KIAA2013: variants seen among roughly 807,000 people sequenced by gnomAD.
The protein encoded by KIAA2013 is uncharacterized protein KIAA2013.
KIAA2013 carries 20 observed loss-of-function variants against 39.9 expected under a neutral mutation model. The ratio of observed to expected loss-of-function variants is 0.50; its 90% CI spans 0.35 to 0.73. The LOEUF (loss-of-function observed/expected upper bound fraction) is 0.73, where lower values mean the gene tolerates loss of function less well. Among genes scored for constraint, KIAA2013 ranks in the 30% least tolerant of loss-of-function variants. KIAA2013 has a pLI of 0.01. For synonymous variants in KIAA2013, 336 were observed against 416.6 expected (o/e 0.81, Z 2.35); for missense variants, 587 against 856.1 (o/e 0.69, Z 3.92).
rs568916033 is a variant in KIAA2013, at chr1:11,920,220, G to A, written c.*95C>T. The A allele has an allele frequency of 6.0e-6, 8 of 1,329,586 alleles. No individual in the cohort carries two copies. In the East Asian group the frequency reaches 6.9e-5, roughly 11 times the overall value. 82.4% of individuals were successfully genotyped at this position (1,329,586 alleles called of 1,614,324 possible). On this transcript the variant is annotated 3_prime_UTR_variant, in exon 3 of 3. Coordinates refer to ENST00000376572, the MANE Select transcript of KIAA2013 (RefSeq NM_138346.3). ...TTTCCCCCAACAAGGCACAAAGGGC[G>A]GGTGCTTCCAAAGGATCCCTTGCTC...
Position 11,922,656 on chromosome 1 carries a change from T to G in KIAA2013, c.1867A>C (p.Lys623Gln). 1 of 1,613,552 alleles carries G rather than the reference T, an allele frequency of 6.2e-7. No homozygotes were observed. The highest frequency in any genetic ancestry group is 8.5e-7 in the Non-Finnish European group (1 of 1,179,826). Residue 623 changes from lysine to glutamine, a missense_variant, in exon 2 of 3, where the codon AAG becomes CAG. Coordinates refer to ENST00000376572, the MANE Select transcript of KIAA2013 (RefSeq NM_138346.3). ...CCTACCTTACTCCTGAAGAGGGGCT[T>G]GGCTCCAGGCCCACAGTACTCGTTG... ...IYNEYCGPGA[K>Q]PLFRSKEDPS...
chr1:11,924,549 T>C (rs1001741421), intron 1 of KIAA2013, among the ~76,000 whole-genome samples: 3 of 152,148 alleles, frequency 2.0e-5, no homozygotes, highest in Non-Finnish European at 4.4e-5. Context: ...GGCAGAAGCA[T>C]TCAATAGATA....
chr1:11,922,759 G>A lies in KIAA2013; in HGVS notation c.1764C>T (p.Pro588=), dbSNP rs138407291. 165 of 1,614,020 alleles carry A rather than the reference G, an allele frequency of 1.0e-4. 1 individual carries two copies. The South Asian group carries it at 1.4e-3, about 14-fold the overall frequency. The change falls in exon 2 of 3, where the codon CCC becomes CCT. Residue 588 remains proline, a synonymous_variant. Coordinates refer to ENST00000376572, the MANE Select transcript of KIAA2013 (RefSeq NM_138346.3). The part of the protein sequence containing the change: ...AHDEHMAQQD[P]GLPFLFWFSV... The stretch of plus-strand genomic sequence containing the variant: ...TGAACCAGAAGAGGAAGGGCAGCCC[G>A]GGGTCCTGCTGGGCCATGTGCTCAT...
chr1:11,921,851 CATTATT>C (rs1012154806), intron 2 of KIAA2013, among the ~76,000 whole-genome samples: 2 of 151,870 alleles, frequency 1.3e-5, no homozygotes, highest in Non-Finnish European at 2.9e-5. Context: ...CACCCAGCCT[CATTATT>C]ATTATTTTTA....
Position 11,923,909 on chromosome 1 carries a change from G to C in KIAA2013, c.1034-420C>G, listed in dbSNP as rs35426697. 0.054 allele frequency among the ~76,000 whole-genome samples: 8,256 copies of C among 152,248 alleles called. 252 individuals are homozygous for C. The highest frequency in any genetic ancestry group is 0.074 in the African/African-American group (3,083 of 41,544). ...TTGTTTATTGAGACAGAGTCTCACT[G>C]TGTTGCCCAGGCTTGAGTGCAGTGG... On this transcript the variant is annotated intron_variant, in intron 1 of 2. Transcript: ENST00000376572. The surrounding 1 kb of genome is among the most constrained non-coding windows in gnomAD (Gnocchi z 4.6).
At position 11,922,619 on chromosome 1, in the gene KIAA2013, A is replaced by C. The variant is rs186176129; in HGVS notation, c.1887+17T>G. Reference sequence around the variant, plus strand: ...AAGGCCAAGGCCTCGGGTTTCGACCAGATGGCGGCTTCCTACCTTACTCCT... The same window carrying C: ...AAGGCCAAGGCCTCGGGTTTCGACCCGATGGCGGCTTCCTACCTTACTCCT... On this transcript the variant is annotated intron_variant, in intron 2 of 2. Coordinates refer to ENST00000376572, the MANE Select transcript of KIAA2013 (RefSeq NM_138346.3). 4.0e-3 allele frequency: 6,502 copies of C among 1,612,100 alleles called. 46 individuals carry two copies. The highest frequency in any genetic ancestry group is 0.021 in the South Asian group (1,867 of 90,516).
At position 11,925,796 on chromosome 1, in the gene KIAA2013, GC is replaced by G; in HGVS notation, c.441del (p.Leu148PhefsTer123). On this transcript the variant is annotated frameshift_variant, in exon 1 of 3. Coordinates refer to ENST00000376572, the MANE Select transcript of KIAA2013 (RefSeq NM_138346.3). LOFTEE classifies it high-confidence loss of function. This position sits in a 1 kb window ranked among gnomAD's most constrained non-coding sequence, Gnocchi z 5.2. ...TGCAGGCAACGCACGCGGCGCAGAA[GC>G]CCCTCCCGCAGCAGCAGCACCGCCT... ...AGEAVLLLREGLLRRVRCLQL... is the reference protein window; with the variant it reads ...AGEAVLLLREXLLRRVRCLQL... 1.3e-6 allele frequency: 2 copies of G among 1,543,784 alleles called. No homozygotes were observed. The highest frequency in any genetic ancestry group is 2.4e-5 in the East Asian group (1 of 41,510).
Position 11,922,707 on chromosome 1 carries a change from G to A in KIAA2013, c.1816C>T (p.His606Tyr). ...FSVASLITLFHLFLFKLIYNE... is the reference protein window; with the variant it reads ...FSVASLITLFYLFLFKLIYNE... ...TAGATGAGCTTGAAGAGGAAGAGGT[G>A]GAAGAGGGTGATTAGGGAGGCCACG... Residue 606 changes from histidine (H) to tyrosine (Y), a missense_variant, in exon 2 of 3, where the codon CAC becomes TAC. Coordinates refer to ENST00000376572, the MANE Select transcript of KIAA2013 (RefSeq NM_138346.3). 4 of 1,613,788 alleles carry A rather than the reference G, an allele frequency of 2.5e-6. No homozygotes were observed. The highest frequency in any genetic ancestry group is 3.4e-6 in the Non-Finnish European group (4 of 1,179,870).
At position 11,920,002 on chromosome 1, in the gene KIAA2013, A is replaced by T. The variant is rs1029651273; in HGVS notation, c.*313T>A. 2.9e-5 allele frequency: 13 copies of T among 442,738 alleles called. No homozygotes were observed. Among genetic ancestry groups the T allele is most frequent in the Non-Finnish European group, 5.2e-5 (13 of 248,074 alleles). The allele number at this position is 442,738 out of a possible 1,614,324, so 27.4% of individuals were successfully genotyped here. A position where few individuals can be genotyped will look rare whatever the true frequency, so the allele number is the denominator to read the frequency against. ...TCCTAGACAAGAGTCTTTTCAAAAG[A>T]TGATCTATTTCCTGGGACAGAAGAA... On this transcript the variant is annotated 3_prime_UTR_variant, in exon 3 of 3. Coordinates refer to ENST00000376572, the MANE Select transcript of KIAA2013 (RefSeq NM_138346.3).
intron 2 of KIAA2013, 82 bp downstream of exon 2, chr1:11,922,554 C>G (rs778928378): frequency 5.1e-5 from 80 of 1,568,140 alleles, no homozygotes; most frequent in South Asian, 3.0e-4. Context: ...CTCACCCCCC[C>G]TCGCCAGGCT....
In KIAA2013 at chr1:11,925,162, G is replaced by C. The variant is rs1420170323; in HGVS notation, c.1033+43C>G. On this transcript the variant is annotated intron_variant, in intron 1 of 2. Transcript: ENST00000376572. The surrounding 1 kb of genome is among the most constrained non-coding windows in gnomAD (Gnocchi z 5.2). ...TTCAGTGTCACCTCTGCAGACTTGGGAGGGACATATCTAGGGTGGACCAAG... is the reference window on the plus strand; with the variant it reads ...TTCAGTGTCACCTCTGCAGACTTGGCAGGGACATATCTAGGGTGGACCAAG... The C allele has an allele frequency of 1.3e-6, 2 of 1,507,152 alleles. No homozygotes were observed. The highest frequency in any genetic ancestry group is 2.7e-5 in the South Asian group (2 of 75,232). 93.4% of individuals were successfully genotyped at this position (1,507,152 alleles called of 1,614,324 possible). A position where few individuals can be genotyped will look rare whatever the true frequency, so the allele number is the denominator to read the frequency against.
chr1:11,920,923 T>C (rs1339479012), intron 2 of KIAA2013, among the ~76,000 whole-genome samples: 1 of 152,190 alleles, frequency 6.6e-6, no homozygotes, highest in Non-Finnish European at 1.5e-5. Context: ...GATGGGACAC[T>C]TCCCATTTCT....
In KIAA2013 at chr1:11,923,530, G is replaced by C; in HGVS notation, c.1034-41C>G. ...AGCGGCATGTTAAGGGGGAAGGACA[G>C]CTGGGAGGCAGAGCATACGAAATAA... On this transcript the variant is annotated intron_variant, in intron 1 of 2. Transcript: ENST00000376572. The surrounding 1 kb of genome is among the most constrained non-coding windows in gnomAD (Gnocchi z 4.6). The C allele has an allele frequency of 6.3e-7, 1 of 1,593,920 alleles. No individual in the cohort carries two copies. Among genetic ancestry groups the C allele is most frequent in the African/African-American group, 1.3e-5 (1 of 74,886 alleles).
rs780693538 is a variant in KIAA2013 at position 11,923,071 on chromosome 1, A to G, written c.1452T>C (p.His484=). 1.5e-5 allele frequency: 24 copies of G among 1,611,068 alleles called. No individual in the cohort carries two copies. Among genetic ancestry groups the G allele is most frequent in the Non-Finnish European group, 5.1e-6 (6 of 1,177,720 alleles). ...TATGGTCGTTCTTGTAGCGGATGCC[A>G]TGCAATGCATAGCTGTTGTGCAGCA... ...PDVLHNSYAL[H]GIRYKNDHIN... The change falls in exon 2 of 3, where the codon CAT becomes CAC. Residue 484 remains histidine (H), a synonymous_variant. Transcript: ENST00000376572. This position sits in a 1 kb window ranked among gnomAD's most constrained non-coding sequence, Gnocchi z 4.6.
At chr1:11,922,401 G>C (rs1325595437) in intron 2 of KIAA2013, 145 of 1,441,322 alleles carry the variant, frequency 1.0e-4, no homozygotes, top group Non-Finnish European at 1.3e-4. Context: ...GAGGAGGGGA[G>C]GGCTGCCCTG....
At position 11,926,224 on chromosome 1, in the gene KIAA2013, T is replaced by C. The variant is rs1429352232; in HGVS notation, c.14A>G (p.Gln5Arg). The change falls in exon 1 of 3, where the codon CAG becomes CGG. Residue 5 changes from glutamine to arginine, a missense_variant. By Grantham distance (43) the Gln-to-Arg change is conservative (BLOSUM62 1). Transcript: ENST00000376572. Reference sequence around the variant, plus strand: ...CAGTCCCGGCAGCCCCTTGAGCCGCTGCTGCAGCCACATCGGGCCGCCAGG... The same window carrying C: ...CAGTCCCGGCAGCCCCTTGAGCCGCCGCTGCAGCCACATCGGGCCGCCAGG... The part of the protein sequence containing the change: MWLQ[Q>R]RLKGLPGLLS... The C allele has an allele frequency of 2.4e-6, 3 of 1,255,706 alleles. No individual in the cohort carries two copies. Among genetic ancestry groups the C allele is most frequent in the Non-Finnish European group, 3.0e-6 (3 of 988,922 alleles). The allele number at this position is 1,255,706 out of a possible 1,614,324, so 77.8% of individuals were successfully genotyped here. A position where few individuals can be genotyped will look rare whatever the true frequency, so the allele number is the denominator to read the frequency against.
chr1:11,922,607 C>T lies in KIAA2013; in HGVS notation c.1887+29G>A, dbSNP rs201115539. Reference sequence around the variant, plus strand: ...AGGGCTGAGAGCAAGGCCAAGGCCTCGGGTTTCGACCAGATGGCGGCTTCC... The same window carrying T: ...AGGGCTGAGAGCAAGGCCAAGGCCTTGGGTTTCGACCAGATGGCGGCTTCC... On this transcript the variant is annotated intron_variant, in intron 2 of 2. Coordinates refer to ENST00000376572, the MANE Select transcript of KIAA2013 (RefSeq NM_138346.3). The T allele has an allele frequency of 2.2e-5, 36 of 1,609,370 alleles. No homozygotes were observed. The African/African-American group carries it at 3.2e-4, about 14-fold the overall frequency.
chr1:11,923,457 T>A lies in KIAA2013; in HGVS notation c.1066A>T (p.Thr356Ser). 6 of 1,608,590 alleles carry A rather than the reference T, an allele frequency of 3.7e-6. No individual in the cohort carries two copies. Among genetic ancestry groups the A allele is most frequent in the Non-Finnish European group, 5.1e-6 (6 of 1,179,962 alleles). ...AGGTTCACGGTGAGGCCAGACGGCG[T>A]GTGGGTGTCAGTGATCTTCTTCATT... ...VEMKKITDTH[T>S]PSGLTVNLTL... The change falls in exon 2 of 3, where the codon ACG becomes TCG. Residue 356 changes from threonine to serine, a missense_variant. Coordinates refer to ENST00000376572, the MANE Select transcript of KIAA2013 (RefSeq NM_138346.3). This position sits in a 1 kb window ranked among gnomAD's most constrained non-coding sequence, Gnocchi z 4.6.
intron 1 of KIAA2013, among the ~76,000 whole-genome samples, chr1:11,924,561 T>C (rs1645494192): frequency 6.6e-6 from 1 of 152,130 alleles, no homozygotes; most frequent in African/African-American, 2.4e-5. Flanking sequence ...CAATAGATAC[T>C]TGCTGAATGA....
Sources: allele counts gnomAD v4.1 joint callset (sites outside exome capture counted in the v4.1 genomes callset), GRCh38; gene constraint gnomAD v4.1.1; non-coding constraint Gnocchi (gnomAD v3.1); transcripts MANE v1.5; gene names NCBI Gene and HGNC (gene_info 2026-07-23, HGNC 2026-07-21).